The following NXN variants were observed in gnomAD, a reference collection of about 807,000 sequenced individuals.
NXN encodes the protein nucleoredoxin.
In NXN, 16 loss-of-function variants were observed where a neutral mutation model predicts 48.6. The ratio of observed to expected loss-of-function variants is 0.33; its 90% CI spans 0.22 to 0.50. The LOEUF (loss-of-function observed/expected upper bound fraction) is 0.50, where lower values mean the gene tolerates loss of function less well. Among genes scored for constraint, NXN ranks in the 20% least tolerant of loss-of-function variants. The pLI is 0.98. For synonymous variants in NXN, 281 were observed against 269.6 expected, an observed-to-expected ratio of 1.04 and a Z score of -0.41; for missense variants, 492 against 605.5, an observed-to-expected ratio of 0.81 and a Z score of 1.97.
intron 1 of NXN, among the ~76,000 whole-genome samples, chr17:974,228 G>A (rs2069428320): frequency 6.6e-6 from 1 of 151,662 alleles, no homozygotes; most frequent in Non-Finnish European, 1.5e-5. Context: ...GTGGGCGCCT[G>A]TAGTCCCAGC....
chr17:830,862 T>G lies in NXN; in HGVS notation c.361-4784A>C, dbSNP rs1188285492. On this transcript the variant is annotated intron_variant, in intron 1 of 7. Coordinates refer to ENST00000336868, the MANE Select transcript of NXN (RefSeq NM_022463.5). This position sits in a 1 kb window ranked among gnomAD's most constrained non-coding sequence, Gnocchi z 4.2. ...CTAAAAATATAAAATTAACCAGGCA[T>G]GGTGGCAGGCACCTGTAATCCCAGC... 1.3e-5 allele frequency among the ~76,000 whole-genome samples: 2 copies of G among 152,042 alleles called. No individual in the cohort carries two copies. Among genetic ancestry groups the G allele is most frequent in the Non-Finnish European group, 2.9e-5 (2 of 68,030 alleles).
At chr17:951,174 TTAAAAAAAAAAAA>T (rs1356030742) in intron 1 of NXN, among the ~76,000 whole-genome samples, 4 of 67,518 alleles carry the variant, frequency 5.9e-5, no homozygotes, top group Non-Finnish European at 8.0e-5. Flanking sequence ...CTGTCTCTAC[TTAAAAAAAAAAAA>T]AAAAAAAAAA....
Position 876,389 on chromosome 17 carries a change from C to T in NXN, c.361-50311G>A, listed in dbSNP as rs375175311. Among the ~76,000 whole-genome samples the T allele has an allele frequency of 1.3e-4, 20 of 152,254 alleles. 1 individual carries two copies. In the South Asian group the frequency reaches 3.3e-3, roughly 25 times the overall value. ...AGGTGACAGAGGGACTTAAGAACAA[C>T]GGTGCTCAAGGAAGTCAACACAGGC... On this transcript the variant is annotated intron_variant, in intron 1 of 7. Coordinates refer to ENST00000336868, the MANE Select transcript of NXN (RefSeq NM_022463.5).
chr17:895,609 A>G (rs2940808), intron 1 of NXN, among the ~76,000 whole-genome samples: 30,134 of 149,130 alleles, frequency 0.2, 4,752 homozygotes, highest in African/African-American at 0.44. Context: ...TCAGGAGATC[A>G]AGACCATCCT....
chr17:916,667 G>C (rs11247563), intron 1 of NXN, among the ~76,000 whole-genome samples: 1 of 151,894 alleles, frequency 6.6e-6, no homozygotes, highest in Non-Finnish European at 1.5e-5. Flanking sequence ...GGCCGGGCAC[G>C]GTGGCTCACG....
chr17:865,601 A>G (rs2068087381), intron 1 of NXN, among the ~76,000 whole-genome samples: 1 of 152,156 alleles, frequency 6.6e-6, no homozygotes, highest in Non-Finnish European at 1.5e-5. Context: ...GACCTTGGCA[A>G]TGTCTACAGA....
intron 1 of NXN, among the ~76,000 whole-genome samples, chr17:845,956 G>A (rs971966497): frequency 5.9e-5 from 9 of 152,226 alleles, no homozygotes; most frequent in East Asian, 3.9e-4. Flanking sequence ...CCAGCTACTC[G>A]AGAGGCTGAG....
chr17:822,768 G>C (rs1912886673), intron 3 of NXN, among the ~76,000 whole-genome samples: 2 of 152,200 alleles, frequency 1.3e-5, no homozygotes, highest in South Asian at 4.1e-4. Flanking sequence ...CCTATGCAGT[G>C]TGTGAGCAGG....
At chr17:876,247 G>GAGA (rs1422147160) in intron 1 of NXN, among the ~76,000 whole-genome samples, 1 of 150,444 alleles carries the variant, frequency 6.6e-6, no homozygotes, top group Non-Finnish European at 1.5e-5. Context: ...GAGAAGAGAA[G>GAGA]AGAAGAAAAG....
intron 1 of NXN, chr17:842,522 C>T (rs1300687303): frequency 1.0e-6 from 1 of 985,418 alleles, no homozygotes; most frequent in Non-Finnish European, 1.2e-6. Context: ...ACATGCAACC[C>T]ACCTTCGAAG....
intron 1 of NXN, among the ~76,000 whole-genome samples, chr17:904,294 G>GGACGTCA (rs907407743): frequency 3.0e-5 from 4 of 131,532 alleles, no homozygotes; most frequent in Non-Finnish European, 4.5e-5. Flanking sequence ...CCCGGACGTC[G>GGACGTCA]GACGCCGTCC....
intron 1 of NXN, among the ~76,000 whole-genome samples, chr17:880,835 A>G (rs940031532): frequency 5.9e-5 from 9 of 152,158 alleles, no homozygotes; most frequent in Non-Finnish European, 1.2e-4. Flanking sequence ...AGATACTTCC[A>G]AGCAGACACT....
Position 863,145 on chromosome 17 carries a change from G to T in NXN, c.361-37067C>A, listed in dbSNP as rs572724501. Among the ~76,000 whole-genome samples, 16 of 152,066 alleles carry T rather than the reference G, an allele frequency of 1.1e-4. No homozygotes were observed. In the East Asian group the frequency reaches 1.7e-3, roughly 17 times the overall value. The stretch of plus-strand genomic sequence containing the variant: ...GGAAAAACCAGCCTCTGCATACATG[G>T]GTTTCACATCCTGCGAATACTGTTC... On this transcript the variant is annotated intron_variant, in intron 1 of 7. Transcript: ENST00000336868.
rs904018625 is a variant in NXN, at chr17:919,598, C to A, written c.360+59721G>T. ...GTATCGTGGGTTACAGAACCTACGT[C>A]GTCCTCGGAATCCCCGCATTCGTCC... On this transcript the variant is annotated intron_variant, in intron 1 of 7. Coordinates refer to ENST00000336868, the MANE Select transcript of NXN (RefSeq NM_022463.5). This position sits in a 1 kb window ranked among gnomAD's most constrained non-coding sequence, Gnocchi z 5.1. Among the ~76,000 whole-genome samples the A allele has an allele frequency of 6.6e-6, 1 of 152,086 alleles. No individual in the cohort carries two copies. Among genetic ancestry groups the A allele is most frequent in the African/African-American group, 2.4e-5 (1 of 41,398 alleles).
chr17:808,665 A>T (rs775516140), intron 5 of NXN, among the ~76,000 whole-genome samples: 10 of 141,256 alleles, frequency 7.1e-5, no homozygotes, highest in Non-Finnish European at 1.5e-4. Flanking sequence ...ATTGGCTATT[A>T]TTATAAACCA....
chr17:927,580 C>CAAA (rs71371593), intron 1 of NXN, among the ~76,000 whole-genome samples: 5,383 of 117,302 alleles, frequency 0.046, 504 homozygotes, highest in African/African-American at 0.16. Context: ...AACCTTGTCT[C>CAAA]AAAAAAAAAA....
chr17:977,513 T>TA (rs1368604072), intron 1 of NXN, among the ~76,000 whole-genome samples: 1 of 152,234 alleles, frequency 6.6e-6, no homozygotes, highest in Non-Finnish European at 1.5e-5. Flanking sequence ...GAAAAAGCTC[T>TA]AAGCATTTGC....
rs139404958 is a variant in NXN, at chr17:886,660, C to A, written c.361-60582G>T. Among the ~76,000 whole-genome samples the A allele has an allele frequency of 2.7e-4, 41 of 152,222 alleles. No homozygotes were observed. In the East Asian group the frequency reaches 7.6e-3, roughly 28 times the overall value. ...GGGCGTGGTGGCACACAGCTGTAGT[C>A]CCAGCTACTCAGGAGACTGAGGCAG... On this transcript the variant is annotated intron_variant, in intron 1 of 7. Coordinates refer to ENST00000336868, the MANE Select transcript of NXN (RefSeq NM_022463.5).
chr17:927,761 G>A (rs1261677464), intron 1 of NXN, among the ~76,000 whole-genome samples: 1 of 152,010 alleles, frequency 6.6e-6, no homozygotes, highest in East Asian at 1.9e-4. Flanking sequence ...GGCTCTCAGA[G>A]GCAGAGAACA....
Sources: gnomAD v4.1 joint callset for allele counts (sites outside exome capture counted in the v4.1 genomes callset) on GRCh38, gnomAD v4.1.1 for gene constraint, Gnocchi (gnomAD v3.1) non-coding constraint, MANE v1.5 for transcripts, NCBI Gene and HGNC (gene_info 2026-07-23, HGNC 2026-07-21) for gene names.